The following SOX5 variants were observed in gnomAD, a reference collection of about 807,000 sequenced individuals.
SOX5 encodes the protein transcription factor SOX-5.
A neutral mutation model predicts 92.0 loss-of-function variants in SOX5; 9 were observed. The ratio of observed to expected loss-of-function variants is 0.10; its 90% CI spans 0.06 to 0.17. The LOEUF is 0.17. Among genes scored for constraint, SOX5 ranks in the 10% least tolerant of loss-of-function variants. The pLI, the probability that SOX5 is intolerant of heterozygous loss-of-function variation, is 1.00. For synonymous variants in SOX5, 344 were observed against 336.3 expected, an observed-to-expected ratio of 1.02 and a Z score of -0.25; for missense variants, 642 against 944.5, an observed-to-expected ratio of 0.68 and a Z score of 4.20.
intron 4 of SOX5, among the ~76,000 whole-genome samples, chr12:23,970,841 A>ATATATATATATATTTTTTTTTTTTTTT: frequency 5.9e-4 from 13 of 21,882 alleles, no homozygotes; most frequent in Non-Finnish European, 1.0e-3. Context: ...TATATATATA[A>ATATATATATATATTTTTTTTTTTTTTT]TTTTTTTTTT....
intron 3 of SOX5, among the ~76,000 whole-genome samples, chr12:24,261,520 C>T (rs542332131): frequency 2.0e-5 from 3 of 152,126 alleles, no homozygotes; most frequent in Non-Finnish European, 1.5e-5. Flanking sequence ...CCACACCACA[C>T]AGGAGAAAAA....
intron 1 of SOX5, among the ~76,000 whole-genome samples, chr12:24,433,311 A>T (rs749435760): frequency 6.6e-6 from 1 of 152,240 alleles, no homozygotes; most frequent in Non-Finnish European, 1.5e-5. Flanking sequence ...AACTACTAAA[A>T]TTGTTGTCAG....
intron 2 of SOX5, among the ~76,000 whole-genome samples, chr12:24,313,161 C>A (rs1949357601): frequency 6.6e-6 from 1 of 152,100 alleles, no homozygotes; most frequent in Admixed American, 6.6e-5. Flanking sequence ...TTGAAGGGTC[C>A]CAGATCCTCT....
chr12:24,061,415 A>T (rs2137275901), intron 4 of SOX5, among the ~76,000 whole-genome samples: 2 of 150,926 alleles, frequency 1.3e-5, no homozygotes, highest in South Asian at 4.1e-4. Flanking sequence ...TCCACTTTGT[A>T]GTCACAATGT....
chr12:24,207,342 G>A (rs187676811), intron 4 of SOX5, among the ~76,000 whole-genome samples: 372 of 152,104 alleles, frequency 2.4e-3, no homozygotes, highest in Non-Finnish European at 4.5e-3. Context: ...TCCTATAACC[G>A]AGAACAATAT....
chr12:23,603,592 G>T (rs532484806), intron 9 of SOX5, among the ~76,000 whole-genome samples: 143 of 151,226 alleles, frequency 9.5e-4, no homozygotes, highest in Non-Finnish European at 1.4e-3. Flanking sequence ...CTTACTTCTT[G>T]CATGGAAAGC....
chr12:23,631,813 G>A (rs962162915), intron 8 of SOX5, among the ~76,000 whole-genome samples: 3 of 152,146 alleles, frequency 2.0e-5, no homozygotes, highest in African/African-American at 7.2e-5. Flanking sequence ...AAGACACCAT[G>A]AAGCTGCTGA....
intron 10 of SOX5, among the ~76,000 whole-genome samples, chr12:23,566,156 C>T (rs1183818847): frequency 1.4e-4 from 21 of 152,158 alleles, no homozygotes; most frequent in Non-Finnish European, 2.9e-5. Context: ...ATCTAATTGT[C>T]TCCACCATCT....
At chr12:23,817,502 C>A (rs888782481) in intron 3 of SOX5, among the ~76,000 whole-genome samples, 1 of 152,062 alleles carries the variant, frequency 6.6e-6, no homozygotes, top group Non-Finnish European at 1.5e-5. Context: ...TTGAAAATAT[C>A]CAGATAAGCT....
chr12:23,788,262 G>A (rs1360701403), intron 3 of SOX5, among the ~76,000 whole-genome samples: 1 of 151,934 alleles, frequency 6.6e-6, no homozygotes, highest in Non-Finnish European at 1.5e-5. Flanking sequence ...GTAAACCTAA[G>A]GTTTAGTACA....
chr12:23,882,099 T>C (rs1052619024), intron 2 of SOX5, among the ~76,000 whole-genome samples: 3 of 152,196 alleles, frequency 2.0e-5, no homozygotes, highest in Admixed American at 6.5e-5. Flanking sequence ...TCAGTAGGTG[T>C]GTCAGTTTGA....
intron 7 of SOX5, among the ~76,000 whole-genome samples, chr12:23,643,234 A>C (rs1001359328): frequency 2.0e-5 from 3 of 152,214 alleles, no homozygotes; most frequent in Admixed American, 6.5e-5. Flanking sequence ...CAGAAGACTC[A>C]AGGATGACTT....
At chr12:24,112,770 A>C (rs1174978306) in intron 4 of SOX5, among the ~76,000 whole-genome samples, 3 of 151,698 alleles carry the variant, frequency 2.0e-5, no homozygotes, top group Non-Finnish European at 4.4e-5. Flanking sequence ...TCCTGGGCTC[A>C]AGCAATCTGC....
At chr12:24,257,321 A>T (rs780494474) in intron 3 of SOX5, among the ~76,000 whole-genome samples, 16 of 152,346 alleles carry the variant, frequency 1.1e-4, no homozygotes, top group Admixed American at 3.3e-4. Flanking sequence ...TCCTACATTC[A>T]TTATATACAT....
chr12:23,669,723 A>ATTTTTT (rs1375625100), intron 6 of SOX5, among the ~76,000 whole-genome samples: 2 of 152,174 alleles, frequency 1.3e-5, no homozygotes, highest in Non-Finnish European at 2.9e-5. Flanking sequence ...ATCAAAGATA[A>ATTTTTT]TGTTTACTTG....
Position 23,704,882 on chromosome 12 carries a change from T to C in SOX5, c.810+29802A>G, listed in dbSNP as rs190346733. On this transcript the variant is annotated intron_variant, in intron 6 of 14. Coordinates refer to ENST00000451604, the MANE Select transcript of SOX5 (RefSeq NM_006940.6). ...AATTCACTATGGAAATTCTGTTAAA[T>C]TTTTTTTTGTATTTTCATAATCATG... Among the ~76,000 whole-genome samples, 4 of 124,814 alleles carry C rather than the reference T, an allele frequency of 3.2e-5. No homozygotes were observed. The East Asian group carries it at 7.8e-4, about 24-fold the overall frequency. The allele number at this position is 124,814 out of a possible 152,430, so 81.9% of individuals were successfully genotyped here.
intron 4 of SOX5, among the ~76,000 whole-genome samples, chr12:24,195,360 T>G (rs1345115145): frequency 6.6e-6 from 1 of 152,140 alleles, no homozygotes; most frequent in Non-Finnish European, 1.5e-5. Context: ...AGTTTCAACA[T>G]ACAAAAGAGT....
intron 3 of SOX5, among the ~76,000 whole-genome samples, chr12:24,258,121 C>T (rs1215924966): frequency 6.6e-6 from 1 of 152,038 alleles, no homozygotes; most frequent in Non-Finnish European, 1.5e-5. Flanking sequence ...TGCAGTGAGC[C>T]GAGATCGTGC....
chr12:23,617,056 T>G (rs557717467), intron 8 of SOX5, among the ~76,000 whole-genome samples: 59 of 150,932 alleles, frequency 3.9e-4, no homozygotes, highest in African/African-American at 1.3e-3. Flanking sequence ...GCCCAGCAGT[T>G]CAAGGCTGCA....
Sources: allele counts gnomAD v4.1 joint callset (sites outside exome capture counted in the v4.1 genomes callset), GRCh38; gene constraint gnomAD v4.1.1; transcripts MANE v1.5; gene names NCBI Gene and HGNC (gene_info 2026-07-23, HGNC 2026-07-21).